The following MAP4K4 variants were observed in gnomAD, a reference collection of about 807,000 sequenced individuals.
MAP4K4 encodes the protein HPK/GCK-like kinase HGK.
MAP4K4 carries 38 observed loss-of-function variants against 189.6 expected under a neutral mutation model. The ratio of observed to expected loss-of-function variants is 0.20; its 90% CI spans 0.15 to 0.26. MAP4K4 has a LOEUF of 0.26. Ranked by LOEUF, MAP4K4 falls within the 10% of genes least tolerant of loss-of-function variation. The probability of loss-of-function intolerance (pLI) is 1.00; values close to 1 mark genes in which losing one functional copy is unlikely to be tolerated. For missense variants in MAP4K4, 1,054 were observed against 1,726.9 expected (o/e 0.61, Z 6.91); for synonymous variants, 610 against 624.3 (o/e 0.98, Z 0.34).
At chr2:101,856,233 ATACACACATG>A (rs2097451001) in intron 13 of MAP4K4, 95 bp downstream of exon 13, 6 of 1,179,122 alleles carry the variant, frequency 5.1e-6, no homozygotes, top group Middle Eastern at 2.9e-4. Context: ...CATGTGATGC[ATACACACATG>A]TACACACATA....
chr2:101,761,552 T>C (rs1324415452), intron 2 of MAP4K4, among the ~76,000 whole-genome samples: 2 of 143,364 alleles, frequency 1.4e-5, no homozygotes, highest in African/African-American at 5.5e-5. Context: ...GGAGCATTCT[T>C]TTTTTTTTTT....
At chr2:101,780,314 T>G (rs1001303952) in intron 2 of MAP4K4, among the ~76,000 whole-genome samples, 8 of 152,204 alleles carry the variant, frequency 5.3e-5, no homozygotes, top group Non-Finnish European at 5.9e-5. Flanking sequence ...TTTTTTTCTC[T>G]AAGCCAATGA....
chr2:101,740,308 T>G (rs1056961445), intron 2 of MAP4K4, among the ~76,000 whole-genome samples: 4 of 126,758 alleles, frequency 3.2e-5, no homozygotes, highest in Non-Finnish European at 6.0e-5. Context: ...CGCCCGCCAC[T>G]ACGCCCGGCT....
At chr2:101,854,412 C>T (rs1392259878) in intron 12 of MAP4K4, among the ~76,000 whole-genome samples, 4 of 152,054 alleles carry the variant, frequency 2.6e-5, no homozygotes, top group Non-Finnish European at 4.4e-5. Context: ...GTATTGAATT[C>T]GAAGAGCAGA....
chr2:101,868,053 GA>G lies in MAP4K4; in HGVS notation c.2463+20del. ...GGGCGAAGTGGTAAGCGCCATCTCTGAAAAGTTCCACTTCAGAGCAGCACTC... is the reference window on the plus strand; with the variant it reads ...GGGCGAAGTGGTAAGCGCCATCTCTGAAAGTTCCACTTCAGAGCAGCACTC... On this transcript the variant is annotated intron_variant, in intron 21 of 32. Transcript: ENST00000324219. The G allele has an allele frequency of 6.2e-7, 1 of 1,611,388 alleles. No homozygotes were observed. The highest frequency in any genetic ancestry group is 8.5e-7 in the Non-Finnish European group (1 of 1,178,808).
chr2:101,741,147 T>G (rs2062581050), intron 2 of MAP4K4, among the ~76,000 whole-genome samples: 1 of 150,480 alleles, frequency 6.6e-6, no homozygotes, highest in Admixed American at 6.6e-5. Context: ...CATGGGGAAG[T>G]GTGGAGGGTA....
At chr2:101,793,204 C>T (rs2093219198) in intron 3 of MAP4K4, among the ~76,000 whole-genome samples, 1 of 152,122 alleles carries the variant, frequency 6.6e-6, no homozygotes, top group Non-Finnish European at 1.5e-5. Flanking sequence ...ATGGTGAGTC[C>T]TCAAATAAGT....
intron 9 of MAP4K4, among the ~76,000 whole-genome samples, chr2:101,836,809 A>C (rs1402194986): frequency 6.6e-6 from 1 of 152,232 alleles, no homozygotes; most frequent in African/African-American, 2.4e-5. Flanking sequence ...TTTGTCAAAC[A>C]GAGTACTGAT....
chr2:101,870,022 T>G, intron 22 of MAP4K4: 1 of 639,186 alleles, frequency 1.6e-6, no homozygotes, highest in Non-Finnish European at 2.6e-6. Context: ...TTTTTCCTTT[T>G]GATTTGAGGA....
At chr2:101,769,770 C>T (rs565346126) in intron 2 of MAP4K4, among the ~76,000 whole-genome samples, 8 of 151,842 alleles carry the variant, frequency 5.3e-5, no homozygotes, top group Non-Finnish European at 1.2e-4. Context: ...TTAGTAGAGA[C>T]GAGGTTTCAC....
At chr2:101,894,549 A>C (rs2098602557) in exon 33 of MAP4K4, 1 of 152,798 alleles carries the variant, frequency 6.5e-6, no homozygotes, top group Admixed American at 6.5e-5. Flanking sequence ...CATTAAATTT[A>C]CTAATTATAA....
chr2:101,887,327 C>A, intron 30 of MAP4K4, 90 bp downstream of exon 30: 1 of 1,331,026 alleles, frequency 7.5e-7, no homozygotes, highest in Non-Finnish European at 1.0e-6. Context: ...CTAACACAAG[C>A]AGGGATTCAT....
exon 22 of MAP4K4, chr2:101,869,753 A>G: frequency 6.3e-7 from 1 of 1,587,916 alleles, no homozygotes. Flanking sequence ...TGGAGCAGGA[A>G]GGGGCTGACG....
At chr2:101,725,399 AAC>A (rs1491020669) in intron 2 of MAP4K4, among the ~76,000 whole-genome samples, 10 of 149,546 alleles carry the variant, frequency 6.7e-5, no homozygotes, top group Non-Finnish European at 1.3e-4. Context: ...AAAAAAAAAA[AAC>A]AAAAACAAAA....
At chr2:101,842,543 C>A in intron 10 of MAP4K4, 66 bp from the exon 11 acceptor site, 1 of 1,156,104 alleles carries the variant, frequency 8.6e-7, no homozygotes, top group South Asian at 1.6e-5. Context: ...CCTGCAGATG[C>A]TTGTCTGAAC....
chr2:101,760,774 T>C (rs571239661), intron 2 of MAP4K4, among the ~76,000 whole-genome samples: 27 of 152,126 alleles, frequency 1.8e-4, no homozygotes, highest in African/African-American at 5.3e-4. Flanking sequence ...GAGGCCGAGG[T>C]GGGCGGATCA....
chr2:101,867,960 CTTCCTTGTACTGTGCA>C, intron 20 of MAP4K4, 53 bp from the exon 21 acceptor site: 1 of 1,536,846 alleles, frequency 6.5e-7, no homozygotes, highest in Non-Finnish European at 9.0e-7. Flanking sequence ...TTCTCCCGCG[CTTCCTTGTACTGTGCA>C]TTCCTCATCA....
intron 11 of MAP4K4, among the ~76,000 whole-genome samples, chr2:101,843,712 CAA>C (rs900969806): frequency 2.0e-5 from 3 of 151,562 alleles, no homozygotes; most frequent in Non-Finnish European, 4.4e-5. Context: ...CAGACAAAGA[CAA>C]AGGAATGGTG....
At chr2:101,846,336 C>G (rs954620765) in intron 12 of MAP4K4, among the ~76,000 whole-genome samples, 1 of 152,176 alleles carries the variant, frequency 6.6e-6, no homozygotes, top group South Asian at 2.1e-4. Flanking sequence ...CTAGTTGTTT[C>G]TTGAAGTGGT....
Sources: allele counts gnomAD v4.1 joint callset (sites outside exome capture counted in the v4.1 genomes callset), GRCh38; gene constraint gnomAD v4.1.1; transcripts MANE v1.5; gene names NCBI Gene and HGNC (gene_info 2026-07-23, HGNC 2026-07-21).